The following GNA14 variants were observed in gnomAD, a reference collection of about 807,000 sequenced individuals.
The protein encoded by GNA14 is G protein subunit alpha 14.
A neutral mutation model predicts 42.0 loss-of-function variants in GNA14; 50 were observed. The observed-to-expected ratio is 1.19, with a 90% CI of 0.95 to 1.51. The LOEUF is 1.51. Ranked by LOEUF, GNA14 falls within the 40% of genes most tolerant of loss-of-function variation. The pLI is 0.00. For missense variants in GNA14, 473 were observed against 446.2 expected (o/e 1.06, Z -0.54); for synonymous variants, 173 against 163.1 (o/e 1.06, Z -0.46).
intron 1 of GNA14, among the ~76,000 whole-genome samples, chr9:77,623,398 G>A (rs1823964295): frequency 1.3e-5 from 2 of 152,000 alleles, no homozygotes; most frequent in African/African-American, 4.8e-5. Flanking sequence ...TAATTGGGTT[G>A]AATTTTTGTA....
chr9:77,627,387 G>A (rs949199931), intron 1 of GNA14, among the ~76,000 whole-genome samples: 1 of 152,094 alleles, frequency 6.6e-6, no homozygotes, highest in Non-Finnish European at 1.5e-5. Flanking sequence ...GTTTTAGGTG[G>A]CCAGCATTAT....
At chr9:77,446,726 G>T (rs7042448) in intron 2 of GNA14, among the ~76,000 whole-genome samples, 2 of 152,008 alleles carry the variant, frequency 1.3e-5, no homozygotes, top group African/African-American at 4.8e-5. Context: ...ACTTATACTG[G>T]ATTGACACGG....
Position 77,478,674 on chromosome 9 carries a change from T to C in GNA14, c.310-44152A>G, listed in dbSNP as rs1181709867. Among the ~76,000 whole-genome samples the C allele has an allele frequency of 3.3e-5, 5 of 152,280 alleles. No homozygotes were observed. In the South Asian group the frequency reaches 6.2e-4, roughly 19 times the overall value. The stretch of plus-strand genomic sequence containing the variant: ...ATAAAAGTGTTCCTATTTCTCCACA[T>C]CCTCTCCAGCACCTGTTGTTTCCTG... On this transcript the variant is annotated intron_variant, in intron 2 of 6. Transcript: ENST00000341700.
Position 77,567,790 on chromosome 9 carries a change from C to T in GNA14, c.125-38537G>A, listed in dbSNP as rs547244397. On this transcript the variant is annotated intron_variant, in intron 1 of 6. Coordinates refer to ENST00000341700, the MANE Select transcript of GNA14 (RefSeq NM_004297.4). ...GCTGAGACAGGAGAATCGCTTGAGC[C>T]CAGGAGGCGGAGGTTGCAGTGAGCC... Among the ~76,000 whole-genome samples, 344 of 152,242 alleles carry T rather than the reference C, an allele frequency of 2.3e-3. 2 individuals carry two copies. The highest frequency in any genetic ancestry group is 7.1e-3 in the African/African-American group (294 of 41,548).
chr9:77,643,675 A>G (rs1824306406), intron 1 of GNA14, among the ~76,000 whole-genome samples: 1 of 152,172 alleles, frequency 6.6e-6, no homozygotes, highest in Non-Finnish European at 1.5e-5. Flanking sequence ...TTGGGACCAG[A>G]TTTTCAACTT....
chr9:77,598,411 T>C (rs1358798820), intron 1 of GNA14, among the ~76,000 whole-genome samples: 1 of 152,210 alleles, frequency 6.6e-6, no homozygotes, highest in Admixed American at 6.5e-5. Flanking sequence ...CTGCAGTGAT[T>C]TCTGACCCCT....
At chr9:77,466,947 G>A (rs1336532740) in intron 2 of GNA14, among the ~76,000 whole-genome samples, 4 of 151,708 alleles carry the variant, frequency 2.6e-5, no homozygotes, top group Admixed American at 6.6e-5. Flanking sequence ...TTTGGTCAAA[G>A]GTTGTGCTTA....
Position 77,424,090 on chromosome 9 carries a change from G to C in GNA14, c.957C>G (p.Val319=), listed in dbSNP as rs142731223. Residue 319 remains valine, a synonymous_variant, in exon 7 of 7, where the codon GTC becomes GTG. Coordinates refer to ENST00000341700, the MANE Select transcript of GNA14 (RefSeq NM_004297.4). ...TAGCACATGTGAAGTGAGAGTAGAT[G>C]ACTTTCTCTTTGTCAGGATTCTGAT... The part of the protein sequence containing the change: ...YQDQNPDKEK[V]IYSHFTCATD... 777 of 1,611,342 alleles carry C rather than the reference G, an allele frequency of 4.8e-4. 3 individuals carry two copies. The African/African-American group carries it at 8.6e-3, about 18-fold the overall frequency.
chr9:77,455,020 C>CA (rs1310815843), intron 2 of GNA14, among the ~76,000 whole-genome samples: 1 of 152,302 alleles, frequency 6.6e-6, no homozygotes, highest in East Asian at 1.9e-4. Context: ...TTGATGATCT[C>CA]AAAGTTTCTG....
At chr9:77,522,452 T>C (rs1342780886) in intron 2 of GNA14, among the ~76,000 whole-genome samples, 1 of 152,192 alleles carries the variant, frequency 6.6e-6, no homozygotes, top group Non-Finnish European at 1.5e-5. Context: ...CCAGTTCGGC[T>C]GAACACAACA....
rs1835459527 is a variant in GNA14 at position 77,426,726 on chromosome 9, C to T, written c.724-1011G>A. ...ATTGGCAAGAAGATATTAAATGCTCCTAATTTACTGAGAACAGACAGGGCA... is the reference window on the plus strand; with the variant it reads ...ATTGGCAAGAAGATATTAAATGCTCTTAATTTACTGAGAACAGACAGGGCA... On this transcript the variant is annotated intron_variant, in intron 5 of 6. Transcript: ENST00000341700. Among the ~76,000 whole-genome samples, 2 of 152,182 alleles carry T rather than the reference C, an allele frequency of 1.3e-5. 1 individual carries two copies. Among genetic ancestry groups the T allele is most frequent in the South Asian group, 4.1e-4 (2 of 4,830 alleles).
At chr9:77,469,609 T>G (rs1021246970) in intron 2 of GNA14, among the ~76,000 whole-genome samples, 9 of 151,940 alleles carry the variant, frequency 5.9e-5, no homozygotes, top group Admixed American at 5.9e-4. Context: ...TCCCAGAAGT[T>G]CTTAATCATA....
At chr9:77,437,926 T>A (rs1342424867) in intron 2 of GNA14, among the ~76,000 whole-genome samples, 1 of 152,220 alleles carries the variant, frequency 6.6e-6, no homozygotes, top group Admixed American at 6.5e-5. Flanking sequence ...TCCTGACTGA[T>A]ACACGTTGCC....
At chr9:77,548,043 T>C (rs766855431) in intron 1 of GNA14, among the ~76,000 whole-genome samples, 3 of 152,220 alleles carry the variant, frequency 2.0e-5, no homozygotes, top group Non-Finnish European at 4.4e-5. Context: ...TAGTGGCATT[T>C]CTATTAATAA....
intron 1 of GNA14, among the ~76,000 whole-genome samples, chr9:77,620,537 A>G (rs896231147): frequency 6.6e-6 from 1 of 152,178 alleles, no homozygotes; most frequent in Admixed American, 6.5e-5. Flanking sequence ...AAGTTTTCCT[A>G]ATCATCCTAA....
At chr9:77,566,394 A>G (rs2131792658) in intron 1 of GNA14, among the ~76,000 whole-genome samples, 1 of 152,048 alleles carries the variant, frequency 6.6e-6, no homozygotes, top group African/African-American at 2.4e-5. Flanking sequence ...GCCTCAAGTG[A>G]TCTGCCCGCC....
chr9:77,586,357 C>T (rs145401863), intron 1 of GNA14, among the ~76,000 whole-genome samples: 97 of 152,130 alleles, frequency 6.4e-4, no homozygotes, highest in African/African-American at 2.3e-3. Context: ...TGGAAATTTC[C>T]TCAATAAAGA....
At chr9:77,454,608 C>A (rs1835968669) in intron 2 of GNA14, among the ~76,000 whole-genome samples, 1 of 147,416 alleles carries the variant, frequency 6.8e-6, no homozygotes, top group Non-Finnish European at 1.5e-5. Context: ...GGAAGTGAGA[C>A]CCCTGGAGTT....
intron 2 of GNA14, among the ~76,000 whole-genome samples, chr9:77,486,275 C>A (rs556628644): frequency 1.1e-3 from 167 of 152,332 alleles, no homozygotes; most frequent in African/African-American, 3.7e-3. Flanking sequence ...AACCTCTTCT[C>A]ACTTCCAGCT....
Sources: allele counts gnomAD v4.1 joint callset (sites outside exome capture counted in the v4.1 genomes callset), GRCh38; gene constraint gnomAD v4.1.1; transcripts MANE v1.5; gene names NCBI Gene and HGNC (gene_info 2026-07-23, HGNC 2026-07-21).